CCDC7: variants seen among roughly 807,000 people sequenced by gnomAD.
The protein encoded by CCDC7 is coiled-coil domain-containing protein 7.
CCDC7 carries 183 observed loss-of-function variants against 196.9 expected under a neutral mutation model. The ratio of observed to expected loss-of-function variants is 0.93; its 90% CI spans 0.82 to 1.05. The LOEUF is 1.05. Among genes scored for constraint, CCDC7 ranks in the 50% least tolerant of loss-of-function variants. The pLI is 0.00. For missense variants in CCDC7, 1,540 were observed against 1,482.2 expected, an observed-to-expected ratio of 1.04 and a Z score of -0.64; for synonymous variants, 525 against 484.6, an observed-to-expected ratio of 1.08 and a Z score of -1.10.
chr10:32,520,508 G>C (rs1328355170), intron 11 of CCDC7, among the ~76,000 whole-genome samples: 1 of 151,968 alleles, frequency 6.6e-6, no homozygotes, highest in Non-Finnish European at 1.5e-5. Flanking sequence ...TTTGCCATTT[G>C]TATGTCTTGT....
At chr10:32,637,208 TG>T (rs2065818673) in intron 20 of CCDC7, among the ~76,000 whole-genome samples, 2 of 152,344 alleles carry the variant, frequency 1.3e-5, no homozygotes, top group South Asian at 4.1e-4. Flanking sequence ...TAGTTTCTTT[TG>T]CTGTGCAGAA....
intron 29 of CCDC7, among the ~76,000 whole-genome samples, chr10:32,795,611 G>C (rs1289795797): frequency 6.6e-6 from 1 of 152,062 alleles, no homozygotes; most frequent in Admixed American, 6.6e-5. Context: ...CTTGTTTGCT[G>C]TTATTTATTG....
At chr10:32,456,156 A>G in intron 2 of CCDC7, 95 bp from the exon 4 acceptor site, 1 of 1,203,982 alleles carries the variant, frequency 8.3e-7, no homozygotes, top group South Asian at 3.0e-5. Context: ...ATTACACAAA[A>G]TTAAAATTTT....
rs1161238890 is a variant in CCDC7, at chr10:32,670,542, T to A, written c.2122+6381T>A. On this transcript the variant is annotated intron_variant, in intron 21 of 41. Transcript: ENST00000639629. ...ATCTCCCAGTGCTATCCCTCCCCCC[T>A]CCCCCCACCCCACAACAGTCCCCAG... Among the ~76,000 whole-genome samples, 13 of 63,816 alleles carry A rather than the reference T, an allele frequency of 2.0e-4. No homozygotes were observed. The East Asian group carries it at 2.2e-3, about 11-fold the overall frequency. 41.9% of individuals were successfully genotyped at this position (63,816 alleles called of 152,430 possible).
At chr10:32,474,210 CTTTTTTTTTTTTTTTTTT>C (rs71027095) in intron 8 of CCDC7, among the ~76,000 whole-genome samples, 187 bp downstream of exon 9, 4 of 58,956 alleles carry the variant, frequency 6.8e-5, no homozygotes, top group Admixed American at 2.8e-4. Context: ...AAACTAGATT[CTTTTTTTTTTTTTTTTTT>C]TTTTTTTTTT....
rs1046506676 is a variant in CCDC7, at chr10:32,489,399, G to A, written c.797-2523G>A. On this transcript the variant is annotated intron_variant, in intron 8 of 41. Transcript: ENST00000639629. ...CAACAGTTGCGTGGGCTAGCTTGTT[G>A]TGGTGGTAGCTCTGATGTCTGATGC... is the stretch of plus-strand genomic sequence containing the variant. Among the ~76,000 whole-genome samples, 3 of 152,196 alleles carry A rather than the reference G, an allele frequency of 2.0e-5. No individual in the cohort carries two copies. In the South Asian group the frequency reaches 6.2e-4, roughly 32 times the overall value.
chr10:32,569,593 A>AT (rs1176561907), intron 15 of CCDC7, among the ~76,000 whole-genome samples: 3 of 151,820 alleles, frequency 2.0e-5, no homozygotes, highest in Non-Finnish European at 2.9e-5. Context: ...TGCCTGGCTA[A>AT]TTTTTTATAT....
chr10:32,592,793 C>T (rs1423189011), intron 18 of CCDC7, among the ~76,000 whole-genome samples: 3 of 152,054 alleles, frequency 2.0e-5, no homozygotes, highest in Non-Finnish European at 2.9e-5. Context: ...AGTGAGAACA[C>T]GTGGTGTTTG....
intron 20 of CCDC7, among the ~76,000 whole-genome samples, chr10:32,640,864 C>CTT (rs753769301): frequency 0.1 from 7,310 of 73,462 alleles, 375 homozygotes; most frequent in East Asian, 0.27. Context: ...TGTAGATTTT[C>CTT]TTTTTTTTTT....
chr10:32,689,149 G>A (rs547417608), exon 23 of CCDC7: 3 of 1,569,058 alleles, frequency 1.9e-6, no homozygotes, highest in African/African-American at 1.4e-5. Context: ...ACTCTCAAAG[G>A]GCAAAGAATT....
Position 32,583,318 on chromosome 10 carries a change from T to C in CCDC7, c.1728+11T>C. ...ACAGAAAGTAAAAAGGTATGATATA[T>C]ATAGAAACTTGAAAGCTGTTTATTT... On this transcript the variant is annotated intron_variant, in intron 17 of 41. Coordinates refer to ENST00000639629, the Ensembl canonical transcript of CCDC7. The C allele has an allele frequency of 8.2e-7, 1 of 1,223,072 alleles. No homozygotes were observed. The allele number at this position is 1,223,072 out of a possible 1,614,324, so 75.8% of individuals were successfully genotyped here. A position where few individuals can be genotyped will look rare whatever the true frequency, so the allele number is the denominator to read the frequency against.
chr10:32,701,517 T>G (rs1385089749), intron 24 of CCDC7, among the ~76,000 whole-genome samples: 1 of 152,220 alleles, frequency 6.6e-6, no homozygotes, highest in African/African-American at 2.4e-5. Context: ...GGTATCAGGA[T>G]GATGCTGGCC....
chr10:32,628,953 G>C (rs957126956), intron 18 of CCDC7, among the ~76,000 whole-genome samples: 1 of 152,142 alleles, frequency 6.6e-6, no homozygotes, highest in Non-Finnish European at 1.5e-5. Context: ...GCATGTGCTT[G>C]AGAAGAATGT....
At chr10:32,559,485 G>A (rs182657760) in intron 13 of CCDC7, among the ~76,000 whole-genome samples, 2 of 152,318 alleles carry the variant, frequency 1.3e-5, no homozygotes, top group Non-Finnish European at 2.9e-5. Flanking sequence ...ACTTGCAGAG[G>A]AACGATCAGA....
intron 13 of CCDC7, among the ~76,000 whole-genome samples, chr10:32,553,236 A>T (rs1021311951): frequency 3.3e-5 from 5 of 150,582 alleles, no homozygotes; most frequent in African/African-American, 4.9e-5. Context: ...AGCATTTCAT[A>T]TTTCTAAAAG....
chr10:32,662,348 TA>T (rs1338845207), intron 20 of CCDC7, among the ~76,000 whole-genome samples: 1 of 152,202 alleles, frequency 6.6e-6, no homozygotes, highest in Admixed American at 6.5e-5. Flanking sequence ...TGGTTCCTAC[TA>T]AGGTGCTTTT....
chr10:32,574,534 T>G (rs2057972393), intron 16 of CCDC7: 2 of 1,413,298 alleles, frequency 1.4e-6, no homozygotes, highest in South Asian at 1.6e-5. Flanking sequence ...ATGGTATTGC[T>G]TACAATAAAG....
rs775363276 is a variant in CCDC7, at chr10:32,567,738, G to A, written c.1266G>A (p.Gly422=). Residue 422 remains glycine, a synonymous_variant, in exon 15 of 42, where the codon GGG becomes GGA. Coordinates refer to ENST00000639629, the Ensembl canonical transcript of CCDC7. ...AAGAGAAGTTACTTAAAAGTGAGGGGAAAACTGAGACAACAATGCAAGTGG... is the reference window on the plus strand; with the variant it reads ...AAGAGAAGTTACTTAAAAGTGAGGGAAAAACTGAGACAACAATGCAAGTGG... 1.2e-5 allele frequency: 19 copies of A among 1,613,276 alleles called. No homozygotes were observed. The South Asian group carries it at 2.0e-4, about 17-fold the overall frequency.
chr10:32,869,637 C>A (rs1440774785), intron 41 of CCDC7, among the ~76,000 whole-genome samples: 1 of 152,044 alleles, frequency 6.6e-6, no homozygotes, highest in Non-Finnish European at 1.5e-5. Context: ...GAAGTCCTTG[C>A]CCATGTCTAT....
Sources: allele counts gnomAD v4.1 joint callset (sites outside exome capture counted in the v4.1 genomes callset), GRCh38; gene constraint gnomAD v4.1.1; transcripts MANE v1.5; gene names NCBI Gene and HGNC (gene_info 2026-07-23, HGNC 2026-07-21).